The following SPEF2 variants were observed in gnomAD, a reference collection of about 807,000 sequenced individuals.
The protein encoded by SPEF2 is sperm flagella and cilia-associated protein 2.
SPEF2 carries 187 observed loss-of-function variants against 224.6 expected under a neutral mutation model. The ratio of observed to expected loss-of-function variants is 0.83; its 90% CI spans 0.74 to 0.94. The LOEUF is 0.94. Among genes scored for constraint, SPEF2 ranks in the 40% least tolerant of loss-of-function variants. SPEF2 has a pLI of 0.00. For missense variants in SPEF2, 2,170 were observed against 2,135.6 expected (o/e 1.02, Z -0.32); for synonymous variants, 715 against 707.3 (o/e 1.01, Z -0.17).
chr5:35,637,585 G>A (rs1311735003), intron 2 of SPEF2, among the ~76,000 whole-genome samples: 1 of 152,174 alleles, frequency 6.6e-6, no homozygotes, highest in African/African-American at 2.4e-5. Flanking sequence ...CACAAAAGAA[G>A]CCATGGATTA....
At chr5:35,742,122 T>C (rs1747748377) in intron 23 of SPEF2, among the ~76,000 whole-genome samples, 1 of 152,232 alleles carries the variant, frequency 6.6e-6, no homozygotes. Context: ...TAGAACATGT[T>C]TTCTTTTTCA....
intron 24 of SPEF2, among the ~76,000 whole-genome samples, chr5:35,758,358 A>G (rs1183355274): frequency 6.6e-6 from 1 of 152,198 alleles, no homozygotes; most frequent in African/African-American, 2.4e-5. Flanking sequence ...TCATGTTTAC[A>G]CTAACATAGA....
At chr5:35,693,394 G>A (rs1156952241) in intron 12 of SPEF2, among the ~76,000 whole-genome samples, 1 of 152,164 alleles carries the variant, frequency 6.6e-6, no homozygotes, top group Non-Finnish European at 1.5e-5. Flanking sequence ...TCTATGAGCT[G>A]TAGTATGCTG....
At chr5:35,785,918 C>A (rs1325273906) in intron 30 of SPEF2, among the ~76,000 whole-genome samples, 1 of 151,992 alleles carries the variant, frequency 6.6e-6, no homozygotes, top group African/African-American at 2.4e-5. Context: ...CCTGGAATAC[C>A]CTTCCCCTGC....
intron 36 of SPEF2, among the ~76,000 whole-genome samples, chr5:35,811,513 C>A (rs888742774): frequency 1.3e-5 from 2 of 152,006 alleles, no homozygotes; most frequent in African/African-American, 2.4e-5. Context: ...GCTGCACTGA[C>A]TGGGTTCATA....
chr5:35,789,987 G>A (rs1299800544), intron 30 of SPEF2: 5 of 700,814 alleles, frequency 7.1e-6, no homozygotes, highest in Non-Finnish European at 5.2e-6. Flanking sequence ...TAAAACTTGG[G>A]AGTCTCAATC....
At chr5:35,659,269 T>C in intron 8 of SPEF2, 62 bp downstream of exon 8, 1 of 1,467,102 alleles carries the variant, frequency 6.8e-7, no homozygotes. Flanking sequence ...TACCAAGTCG[T>C]GGTAAACAAA....
chr5:35,653,638 G>A lies in SPEF2; in HGVS notation c.792-902G>A, dbSNP rs888243824. ...AGAGGAAAAGAAATCCAGAATTTCC[G>A]GTTAGAATGAAAATCATAAAAAGTA... is the stretch of plus-strand genomic sequence containing the variant. On this transcript the variant is annotated intron_variant, in intron 6 of 36. Coordinates refer to ENST00000356031, the MANE Select transcript of SPEF2 (RefSeq NM_024867.4). 1.2e-4 allele frequency among the ~76,000 whole-genome samples: 18 copies of A among 152,098 alleles called. No homozygotes were observed. The South Asian group carries it at 1.5e-3, about 12-fold the overall frequency.
At chr5:35,655,135 C>T (rs188423579) in intron 7 of SPEF2, among the ~76,000 whole-genome samples, 6 of 152,258 alleles carry the variant, frequency 3.9e-5, no homozygotes, top group East Asian at 3.9e-4. Context: ...TTTTGTTCGC[C>T]AGTCTATTCC....
intron 25 of SPEF2, among the ~76,000 whole-genome samples, chr5:35,761,854 C>A (rs1180131564): frequency 6.6e-6 from 1 of 152,126 alleles, no homozygotes; most frequent in Non-Finnish European, 1.5e-5. Context: ...AAAAGAACAT[C>A]CAGTTCTTAT....
intron 10 of SPEF2, among the ~76,000 whole-genome samples, chr5:35,674,794 G>C (rs1349576180): frequency 3.3e-5 from 5 of 152,010 alleles, no homozygotes; most frequent in Non-Finnish European, 5.9e-5. Flanking sequence ...ATATGAATCT[G>C]GGGGAGACAC....
chr5:35,731,939 A>G lies in SPEF2; in HGVS notation c.3063+4116A>G, dbSNP rs139000326. ...AATCACAGAGGGTACAGGGGATTCC[A>G]GAAAACTAGATGCAGGCAAATGCCT... is the stretch of plus-strand genomic sequence containing the variant. On this transcript the variant is annotated intron_variant, in intron 21 of 36. Coordinates refer to ENST00000356031, the MANE Select transcript of SPEF2 (RefSeq NM_024867.4). Among the ~76,000 whole-genome samples the G allele has an allele frequency of 5.5e-4, 84 of 152,354 alleles. 1 individual carries two copies. The highest frequency in any genetic ancestry group is 3.7e-4 in the Non-Finnish European group (25 of 68,034).
intron 6 of SPEF2, among the ~76,000 whole-genome samples, chr5:35,650,427 A>G (rs1026407524): frequency 2.0e-5 from 3 of 152,036 alleles, no homozygotes; most frequent in African/African-American, 7.2e-5. Flanking sequence ...CCTAGCACAC[A>G]CCTACCCTGA....
intron 2 of SPEF2, among the ~76,000 whole-genome samples, chr5:35,629,179 A>G (rs796577406): frequency 8.3e-4 from 26 of 31,486 alleles, no homozygotes; most frequent in African/African-American, 5.2e-3. Flanking sequence ...TTTTTTTTTG[A>G]GACTTGCTCT....
At chr5:35,670,805 C>T (rs1751137860) in intron 10 of SPEF2, 1 of 977,264 alleles carries the variant, frequency 1.0e-6, no homozygotes. Flanking sequence ...ACTGTGTGAC[C>T]TTAGGTGACC....
chr5:35,807,333 CA>C, intron 36 of SPEF2, 80 bp downstream of exon 36: 2 of 1,521,110 alleles, frequency 1.3e-6, no homozygotes, highest in Non-Finnish European at 1.8e-6. Flanking sequence ...TGTGAGCTGG[CA>C]TGGAAGAGAA....
At chr5:35,627,046 A>C (rs1744359126) in intron 1 of SPEF2, among the ~76,000 whole-genome samples, 3 of 151,860 alleles carry the variant, frequency 2.0e-5, no homozygotes, top group Admixed American at 2.0e-4. Context: ...AATGACATAT[A>C]ATATTTTAAC....
rs937743007 is a variant in SPEF2, at chr5:35,641,565, A to G, written c.296A>G (p.Gln99Arg). 5 of 1,613,822 alleles carry G rather than the reference A, an allele frequency of 3.1e-6. No homozygotes were observed. Among genetic ancestry groups the G allele is most frequent in the Non-Finnish European group, 3.4e-6 (4 of 1,179,830 alleles). The change falls in exon 3 of 37, where the codon CAA becomes CGA. Residue 99 changes from glutamine (Q) to arginine (R), a missense_variant. Physicochemically the swap from Gln to Arg is conservative, Grantham distance 43 (BLOSUM62 1). Coordinates refer to ENST00000356031, the MANE Select transcript of SPEF2 (RefSeq NM_024867.4). ...KPGVATKLLY[Q>R]LYIALQKKKK... is the part of the protein sequence containing the mutation. ...GGGGTGGCAACAAAGCTGTTATATC[A>G]ATTGTACATTGCTCTTCAGAAAAAG...
rs1754804330 is a variant in SPEF2 at position 35,784,402 on chromosome 5, A to G, written c.4447+5056A>G. 3.3e-5 allele frequency among the ~76,000 whole-genome samples: 5 copies of G among 152,316 alleles called. No homozygotes were observed. In the South Asian group the frequency reaches 1.0e-3, roughly 32 times the overall value. On this transcript the variant is annotated intron_variant, in intron 30 of 36. Coordinates refer to ENST00000356031, the MANE Select transcript of SPEF2 (RefSeq NM_024867.4). ...CTCAGCCTCCCAAAGTGCTGGGATTACAGGCATGAGCCACCGCGCCCGGGC... is the reference window on the plus strand; with the variant it reads ...CTCAGCCTCCCAAAGTGCTGGGATTGCAGGCATGAGCCACCGCGCCCGGGC...
Sources: gnomAD v4.1 joint callset for allele counts (sites outside exome capture counted in the v4.1 genomes callset) on GRCh38, gnomAD v4.1.1 for gene constraint, MANE v1.5 for transcripts, NCBI Gene and HGNC (gene_info 2026-07-23, HGNC 2026-07-21) for gene names.